Variants in RIT2 observed in about 807,000 individuals in gnomAD.
RIT2 encodes the protein GTP-binding protein Rit2.
Under a neutral mutation model 23.7 loss-of-function variants are expected in RIT2, and 24 were observed. The ratio of observed to expected loss-of-function variants is 1.01; its 90% CI spans 0.73 to 1.43. The LOEUF (loss-of-function observed/expected upper bound fraction) is 1.43. RIT2 is among the 40% of genes most tolerant of loss of function. The pLI is 0.00. For missense variants in RIT2, 236 were observed against 266.9 expected (o/e 0.88, Z 0.81); for synonymous variants, 107 against 91.1 (o/e 1.17, Z -0.99).
intron 4 of RIT2, among the ~76,000 whole-genome samples, chr18:42,881,494 G>C (rs1015504644): frequency 6.6e-6 from 1 of 152,112 alleles, no homozygotes; most frequent in African/African-American, 2.4e-5. Context: ...AAAAGTCCAA[G>C]GCTCTTCATG....
At chr18:43,061,553 T>TGGATAG (rs1782342134) in intron 1 of RIT2, among the ~76,000 whole-genome samples, 1 of 152,168 alleles carries the variant, frequency 6.6e-6, no homozygotes, top group Non-Finnish European at 1.5e-5. Flanking sequence ...CTGCCAGTTC[T>TGGATAG]GGATAGAGTC....
chr18:42,873,407 A>C (rs1907668414), intron 4 of RIT2, among the ~76,000 whole-genome samples: 1 of 152,144 alleles, frequency 6.6e-6, no homozygotes, highest in South Asian at 2.1e-4. Context: ...TGCTGATCAC[A>C]TAAAAGATTA....
intron 4 of RIT2, among the ~76,000 whole-genome samples, chr18:42,809,132 C>T (rs998697505): frequency 2.2e-4 from 34 of 152,000 alleles, no homozygotes; most frequent in African/African-American, 5.8e-4. Flanking sequence ...ATATGAAATT[C>T]GAGAAATTAT....
At position 42,855,145 on chromosome 18, in the gene RIT2, A is replaced by T. The variant is rs1907149073; in HGVS notation, c.426+68427T>A. Among the ~76,000 whole-genome samples the T allele has an allele frequency of 2.0e-5, 3 of 152,232 alleles. No homozygotes were observed. In the South Asian group the frequency reaches 6.2e-4, roughly 31 times the overall value. On this transcript the variant is annotated intron_variant, in intron 4 of 4. Coordinates refer to ENST00000326695, the MANE Select transcript of RIT2 (RefSeq NM_002930.4). ...AAAAAAACAGCAAAATATTTTGCAC[A>T]GCTAAGACATATCTCTATCAAATGT...
At chr18:42,811,751 A>G (rs181971988) in intron 4 of RIT2, among the ~76,000 whole-genome samples, 7 of 152,206 alleles carry the variant, frequency 4.6e-5, no homozygotes, top group Admixed American at 3.3e-4. Context: ...GCAAAGCATG[A>G]CAAGGTGCTA....
At chr18:42,830,045 C>T (rs1906411253) in intron 4 of RIT2, among the ~76,000 whole-genome samples, 1 of 152,062 alleles carries the variant, frequency 6.6e-6, no homozygotes, top group South Asian at 2.1e-4. Context: ...AAAAAAATTA[C>T]CAGAAGCAAA....
At chr18:42,933,964 G>T (rs1033744662) in intron 3 of RIT2, among the ~76,000 whole-genome samples, 1 of 145,274 alleles carries the variant, frequency 6.9e-6, no homozygotes, top group African/African-American at 2.6e-5. Context: ...GTTGCAGTGA[G>T]CCGAGATCAC....
intron 4 of RIT2, among the ~76,000 whole-genome samples, chr18:42,909,666 C>G (rs193093134): frequency 2.6e-5 from 4 of 152,086 alleles, no homozygotes; most frequent in African/African-American, 9.6e-5. Context: ...TGTTGGAATA[C>G]ATTTTAAAAC....
At chr18:42,776,747 T>C (rs1327391794) in intron 4 of RIT2, among the ~76,000 whole-genome samples, 3 of 152,260 alleles carry the variant, frequency 2.0e-5, no homozygotes, top group African/African-American at 7.2e-5. Context: ...ACCCTGTTTC[T>C]CACACTCTCA....
intron 4 of RIT2, among the ~76,000 whole-genome samples, chr18:42,842,392 A>G (rs1906790968): frequency 1.3e-5 from 2 of 152,210 alleles, no homozygotes; most frequent in Admixed American, 1.3e-4. Flanking sequence ...GTGCAAATGT[A>G]AATTACTAAC....
chr18:42,856,594 A>G (rs1029224093), intron 4 of RIT2, among the ~76,000 whole-genome samples: 1 of 151,372 alleles, frequency 6.6e-6, no homozygotes, highest in Non-Finnish European at 1.5e-5. Context: ...CCCTATAGTG[A>G]TATCAAGAGG....
chr18:43,064,091 C>T (rs1300886270), intron 1 of RIT2, among the ~76,000 whole-genome samples: 1 of 152,130 alleles, frequency 6.6e-6, no homozygotes, highest in Admixed American at 6.6e-5. Context: ...AACATTTATT[C>T]AATAAGGTCT....
At chr18:43,112,821 T>G (rs113080137) in intron 1 of RIT2, among the ~76,000 whole-genome samples, 3,982 of 152,266 alleles carry the variant, frequency 0.026, 130 homozygotes, top group African/African-American at 0.079. Flanking sequence ...ACCATAAATT[T>G]AGTTTTTAAT....
chr18:42,893,687 T>C (rs1908244372), intron 4 of RIT2, among the ~76,000 whole-genome samples: 1 of 152,136 alleles, frequency 6.6e-6, no homozygotes, highest in Non-Finnish European at 1.5e-5. Context: ...ACACCACCTT[T>C]GAAATAGTTT....
At chr18:43,106,481 T>C (rs1913825308) in intron 1 of RIT2, among the ~76,000 whole-genome samples, 1 of 152,198 alleles carries the variant, frequency 6.6e-6, no homozygotes, top group South Asian at 2.1e-4. Flanking sequence ...TTGTTAAAAA[T>C]CTTTATTCGG....
chr18:42,855,854 A>G (rs1907166744), intron 4 of RIT2, among the ~76,000 whole-genome samples: 1 of 152,244 alleles, frequency 6.6e-6, no homozygotes, highest in South Asian at 2.1e-4. Flanking sequence ...TTTGATAAAC[A>G]TCTACTATAC....
intron 4 of RIT2, among the ~76,000 whole-genome samples, chr18:42,870,910 A>C (rs1185389302): frequency 6.6e-6 from 1 of 152,224 alleles, no homozygotes; most frequent in Non-Finnish European, 1.5e-5. Flanking sequence ...TTAACAGCTT[A>C]ATTTCCCATA....
chr18:42,875,705 T>C (rs1262077719), intron 4 of RIT2, among the ~76,000 whole-genome samples: 1 of 152,040 alleles, frequency 6.6e-6, no homozygotes, highest in South Asian at 2.1e-4. Context: ...GAAAATATAA[T>C]AGACCTATCA....
At chr18:42,879,003 T>C (rs1181247236) in intron 4 of RIT2, among the ~76,000 whole-genome samples, 3 of 152,156 alleles carry the variant, frequency 2.0e-5, no homozygotes, top group Admixed American at 2.0e-4. Flanking sequence ...TATGTTTCTA[T>C]GTACTTACCA....
Sources: allele counts gnomAD v4.1 joint callset (sites outside exome capture counted in the v4.1 genomes callset), GRCh38; gene constraint gnomAD v4.1.1; transcripts MANE v1.5; gene names NCBI Gene and HGNC (gene_info 2026-07-23, HGNC 2026-07-21).